WDR90: variants seen among roughly 807,000 people sequenced by gnomAD.
The protein encoded by WDR90 is WD repeat-containing protein 90.
In WDR90, 238 loss-of-function variants were observed where a neutral mutation model predicts 195.2. That is an observed-to-expected ratio of 1.22 (90% CI 1.10 to 1.36). The LOEUF is 1.36. Ranked by LOEUF, WDR90 falls within the 40% of genes most tolerant of loss-of-function variation. WDR90 has a pLI of 0.00. For missense variants in WDR90, 2,734 were observed against 2,439.5 expected (o/e 1.12, Z -2.54); for synonymous variants, 1,265 against 1,052.4 (o/e 1.20, Z -3.91).
chr16:649,262 T>G (rs1489293472), upstream of WDR90: 8 of 858,452 alleles, frequency 9.3e-6, no homozygotes, highest in South Asian at 1.3e-4. Context: ...AGCGGGGTAC[T>G]CCCACCGGGG....
rs761002830 is a variant in WDR90, at chr16:655,662, C to T, written c.1808C>T (p.Thr603Ile). ...GCCCGCCGCCTGCTCCCCACACGGA[C>T]TCCAGGCGGTCCCCACCCACAGAAG... ...RHARRLLPTRTPGGPHPQKQT... is the reference protein window; with the variant it reads ...RHARRLLPTRIPGGPHPQKQT... Residue 603 changes from threonine to isoleucine, a missense_variant, in exon 16 of 41, where the codon ACT (threonine) becomes ATT (isoleucine). Transcript: ENST00000293879. 18 of 1,603,536 alleles carry T rather than the reference C, an allele frequency of 1.1e-5. No individual in the cohort carries two copies. The highest frequency in any genetic ancestry group is 1.7e-4 in the Middle Eastern group (1 of 6,042).
In WDR90 at chr16:658,357, G is replaced by A. The variant is rs1372384242; in HGVS notation, c.2766+13G>A. 1.2e-6 allele frequency: 2 copies of A among 1,610,384 alleles called. No homozygotes were observed. The highest frequency in any genetic ancestry group is 1.7e-5 in the Admixed American group (1 of 59,910). On this transcript the variant is annotated intron_variant, in intron 22 of 40. Transcript: ENST00000293879. Reference sequence around the variant, plus strand: ...CATCATCCGGGAGGTGAGCCTCAGGGCTGTGGCCCGCCGACCTGGCCCTCC... The same window carrying A: ...CATCATCCGGGAGGTGAGCCTCAGGACTGTGGCCCGCCGACCTGGCCCTCC...
At position 666,739 on chromosome 16, in the gene WDR90, G is replaced by A. The variant is rs746230794; in HGVS notation, c.4951G>A (p.Val1651Met). 12 of 1,612,674 alleles carry A rather than the reference G, an allele frequency of 7.4e-6. No homozygotes were observed. The highest frequency in any genetic ancestry group is 5.0e-5 in the Admixed American group (3 of 59,998). Residue 1651 changes from valine to methionine, a missense_variant, in exon 39 of 41, where the codon GTG (valine) becomes ATG (methionine). Transcript: ENST00000293879. ...TTGGGATGGGGCGCTCCTGATGTAC[G>A]TGGGCCCCGGTGTTTACAAGGAGGT... is the stretch of plus-strand genomic sequence containing the variant. Reference protein sequence around the residue: ...CPWDGALLMYVGPGVYKEVII... With the variant: ...CPWDGALLMYMGPGVYKEVII...
chr16:660,459 G>T, intron 27 of WDR90, 153 bp from the exon 28 acceptor site: 1 of 778,124 alleles, frequency 1.3e-6, no homozygotes, highest in Non-Finnish European at 2.1e-6. Context: ...AGTGCCCACA[G>T]CTCCCACACC....
Position 661,956 on chromosome 16 carries a change from A to G in WDR90, c.3930A>G (p.Ala1310=), listed in dbSNP as rs764128815. Residue 1310 remains alanine, a synonymous_variant, in exon 32 of 41, where the codon GCA becomes GCG. Coordinates refer to ENST00000293879, the MANE Select transcript of WDR90 (RefSeq NM_145294.5). ...AGELTSLCYG[A]PPLLYCGTSS... Reference sequence around the variant, plus strand: ...AGCTGACCTCGCTCTGCTACGGGGCACCTCCCCTGCTCTATTGTGGCACCA... The same window carrying G: ...AGCTGACCTCGCTCTGCTACGGGGCGCCTCCCCTGCTCTATTGTGGCACCA... The G allele has an allele frequency of 6.2e-7, 1 of 1,606,944 alleles. No individual in the cohort carries two copies. Among genetic ancestry groups the G allele is most frequent in the Non-Finnish European group, 8.5e-7 (1 of 1,179,796 alleles).
At chr16:652,862 G>A (rs956425975) in intron 10 of WDR90, among the ~76,000 whole-genome samples, 3 of 152,202 alleles carry the variant, frequency 2.0e-5, no homozygotes, top group African/African-American at 7.2e-5. Flanking sequence ...CCAGCAGTGT[G>A]GGGCCAGGCT....
At chr16:657,936 G>A (rs777209282) in intron 21 of WDR90, 44 bp downstream of exon 21, 3 of 1,504,208 alleles carry the variant, frequency 2.0e-6, no homozygotes, top group Admixed American at 2.3e-5. Flanking sequence ...TGGGCCATGA[G>A]AGGCTGGCTG....
rs751777282 is a variant in WDR90, at chr16:666,968, C to T, written c.5068C>T (p.Leu1690Phe). Reference sequence around the variant, plus strand: ...CCTGAGCCTGTCCCCCGGGACCCACCTCCTGGCTGTTGGCTTTGCTGGTGA... The same window carrying T: ...CCTGAGCCTGTCCCCCGGGACCCACTTCCTGGCTGTTGGCTTTGCTGGTGA... ...MSLSLSPGTH[L>F]LAVGFAECML... The change falls in exon 40 of 41, where the codon CTC (leucine) becomes TTC (phenylalanine). Residue 1690 changes from leucine (L) to phenylalanine (F), a missense_variant. Physicochemically the swap from Leu to Phe is conservative, Grantham distance 22. Coordinates refer to ENST00000293879, the MANE Select transcript of WDR90 (RefSeq NM_145294.5). The T allele has an allele frequency of 6.2e-6, 10 of 1,608,568 alleles. No homozygotes were observed. The highest frequency in any genetic ancestry group is 8.5e-6 in the Non-Finnish European group (10 of 1,177,524).
chr16:650,964 C>A, intron 5 of WDR90, 31 bp from the exon 6 acceptor site: 1 of 1,609,712 alleles, frequency 6.2e-7, no homozygotes, highest in Non-Finnish European at 8.5e-7. Flanking sequence ...AAACAGCCTC[C>A]CTTGACCTGG....
At chr16:664,223 G>A (rs1252649640) in intron 34 of WDR90, among the ~76,000 whole-genome samples, 1 of 152,072 alleles carries the variant, frequency 6.6e-6, no homozygotes, top group Non-Finnish European at 1.5e-5. Flanking sequence ...CTGTTCCTCG[G>A]TCGCTCCCTG....
In WDR90 at chr16:656,438, C is replaced by T; in HGVS notation, c.2103C>T (p.Ala701=). Residue 701 remains alanine (A), a synonymous_variant, in exon 18 of 41, where the codon GCC becomes GCT. Coordinates refer to ENST00000293879, the MANE Select transcript of WDR90 (RefSeq NM_145294.5). ...VYHMLARSHT[A]PVLALAMEQR... ...ACATGCTGGCTCGCTCCCACACCGC[C>T]CCGGTGTTGGCCCTCGCCATGGAGC... 1 of 1,602,414 alleles carries T rather than the reference C, an allele frequency of 6.2e-7. No individual in the cohort carries two copies. The highest frequency in any genetic ancestry group is 8.5e-7 in the Non-Finnish European group (1 of 1,177,286).
Position 659,031 on chromosome 16 carries a change from TG to T in WDR90, c.3011+21del. The T allele has an allele frequency of 6.2e-7, 1 of 1,613,200 alleles. No individual in the cohort carries two copies. The highest frequency in any genetic ancestry group is 8.5e-7 in the Non-Finnish European group (1 of 1,179,874). ...TGAGAGGCAAGTGCCTACTCTCAGC[TG>T]TGTCTGCCTAGGCCCCCCAGGCCCT... On this transcript the variant is annotated intron_variant, in intron 24 of 40. Coordinates refer to ENST00000293879, the MANE Select transcript of WDR90 (RefSeq NM_145294.5).
At chr16:664,696 T>C (rs562712358) in intron 34 of WDR90, among the ~76,000 whole-genome samples, 1 of 152,030 alleles carries the variant, frequency 6.6e-6, no homozygotes, top group Non-Finnish European at 1.5e-5. Context: ...TTTTTTTTTT[T>C]TTTTGAGACG....
Position 649,411 on chromosome 16 carries a change from G to A in WDR90, c.-6G>A, listed in dbSNP as rs1198937975. 7 of 1,314,382 alleles carry A rather than the reference G, an allele frequency of 5.3e-6. No homozygotes were observed. Among genetic ancestry groups the A allele is most frequent in the African/African-American group, 4.6e-5 (3 of 64,940 alleles). The allele number at this position is 1,314,382 out of a possible 1,614,324, so 81.4% of individuals were successfully genotyped here. On this transcript the variant is annotated 5_prime_UTR_variant, in exon 1 of 41. Transcript: ENST00000293879. ...GGCCTAGGCGGGAAGCTCGAGCGGC[G>A]GCGCCATGGCCCGAGGTAGCGCGCG...
chr16:649,539 C>A, intron 1 of WDR90, 113 bp downstream of exon 1: 1 of 1,245,034 alleles, frequency 8.0e-7, no homozygotes. Flanking sequence ...CCAGAGTCCC[C>A]GCTCAGGCAG....
chr16:649,664 G>C, intron 1 of WDR90, 99 bp from the exon 2 acceptor site: 1 of 1,272,880 alleles, frequency 7.9e-7, no homozygotes, highest in South Asian at 1.8e-5. Flanking sequence ...GGCGCGGAGA[G>C]CCCCGGCTCC....
In WDR90 at chr16:658,556, C is replaced by T; in HGVS notation, c.2798C>T (p.Ser933Phe). The T allele has an allele frequency of 1.9e-6, 3 of 1,612,682 alleles. No individual in the cohort carries two copies. The highest frequency in any genetic ancestry group is 1.1e-5 in the South Asian group (1 of 91,074). Residue 933 changes from serine to phenylalanine, a missense_variant, in exon 23 of 41, where the codon TCC becomes TTC. By Grantham distance (155) the Ser-to-Phe change is radical. Transcript: ENST00000293879. ...GGTGTCCACCCTGAGCCCTGCCCCT[C>T]CTTGACGCTCAGTGAGGACGCCCGC... is the stretch of plus-strand genomic sequence containing the variant. Reference protein sequence around the residue: ...LPGVHPEPCPSLTLSEDARFL... With the variant: ...LPGVHPEPCPFLTLSEDARFL...
At chr16:653,922 C>T in intron 13 of WDR90, 119 bp downstream of exon 13, 1 of 1,315,964 alleles carries the variant, frequency 7.6e-7, no homozygotes, top group Non-Finnish European at 1.0e-6. Flanking sequence ...GCTCTGTGTC[C>T]TCCCTGTGGT....
In WDR90 at chr16:657,796, C is replaced by T. The variant is rs2037793231; in HGVS notation, c.2508C>T (p.Pro836=). The change falls in exon 21 of 41, where the codon CCC becomes CCT. Residue 836 remains proline (P), a synonymous_variant. Coordinates refer to ENST00000293879, the MANE Select transcript of WDR90 (RefSeq NM_145294.5). ...TATGCCCGGATGCCCCCGCGAGCCC[C>T]AGCGCCCTGGCAGTCAGCAGGGATG... is the stretch of plus-strand genomic sequence containing the variant. ...DMVCPDAPAS[P]SALAVSRDGR... is the part of the protein sequence containing the mutation. 1 of 1,554,686 alleles carries T rather than the reference C, an allele frequency of 6.4e-7. No individual in the cohort carries two copies. Among genetic ancestry groups the T allele is most frequent in the African/African-American group, 1.4e-5 (1 of 73,530 alleles).
Sources: gnomAD v4.1 joint callset for allele counts (sites outside exome capture counted in the v4.1 genomes callset) on GRCh38, gnomAD v4.1.1 for gene constraint, MANE v1.5 for transcripts, NCBI Gene and HGNC (gene_info 2026-07-23, HGNC 2026-07-21) for gene names.